CFAP54: variants seen among roughly 807,000 people sequenced by gnomAD.
CFAP54 encodes the protein cilia and flagella associated protein 54.
A neutral mutation model predicts 370.4 loss-of-function variants in CFAP54; 290 were observed. That is an observed-to-expected ratio of 0.78 (90% CI 0.71 to 0.86). The LOEUF (loss-of-function observed/expected upper bound fraction) is 0.86, where lower values mean the gene tolerates loss of function less well. CFAP54 is among the 40% of genes least tolerant of loss of function. CFAP54 has a pLI of 0.00. For synonymous variants in CFAP54, 1,206 were observed against 1,236.5 expected (o/e 0.98, Z 0.52); for missense variants, 3,399 against 3,528.7 (o/e 0.96, Z 0.93).
chr12:96,580,707 TCA>T lies in CFAP54; in HGVS notation c.2889+19_2889+20del, dbSNP rs774334220. 2.5e-5 allele frequency: 36 copies of T among 1,420,814 alleles called. No individual in the cohort carries two copies. The highest frequency in any genetic ancestry group is 1.7e-4 in the Middle Eastern group (1 of 5,744). The allele number at this position is 1,420,814 out of a possible 1,614,324, so 88.0% of individuals were successfully genotyped here. On this transcript the variant is annotated intron_variant, in intron 21 of 67. Coordinates refer to ENST00000524981, the MANE Select transcript of CFAP54 (RefSeq NM_001306084.2). ...GAGAAGCGGTACGTCAAATTAAACA[TCA>T]GGAAATCTTACTGAAGCCTTTAATG...
intron 40 of CFAP54, 94 bp downstream of exon 40, chr12:96,679,846 G>T (rs751384985): frequency 2.3e-5 from 29 of 1,270,848 alleles, no homozygotes; most frequent in Non-Finnish European, 3.2e-5. Flanking sequence ...TTCCCTCCCC[G>T]TGTACATGCA....
At chr12:96,686,530 T>C (rs1283031858) in intron 42 of CFAP54, among the ~76,000 whole-genome samples, 1 of 152,166 alleles carries the variant, frequency 6.6e-6, no homozygotes, top group Admixed American at 6.5e-5. Flanking sequence ...AAGCTTTCAA[T>C]TATGACAGAA....
intron 67 of CFAP54, 64 bp downstream of exon 67, chr12:96,861,016 T>A (rs1373808589): frequency 8.1e-7 from 1 of 1,241,566 alleles, no homozygotes; most frequent in Non-Finnish European, 1.1e-6. Flanking sequence ...TTTGGAACGG[T>A]CCTCTTATAA....
chr12:96,710,383 A>G (rs1266216461), intron 48 of CFAP54, among the ~76,000 whole-genome samples: 1 of 152,208 alleles, frequency 6.6e-6, no homozygotes, highest in Non-Finnish European at 1.5e-5. Flanking sequence ...TGGGTAAAGC[A>G]GAGTGAACAG....
chr12:96,637,549 C>G (rs1048302850), intron 32 of CFAP54, among the ~76,000 whole-genome samples: 10 of 152,134 alleles, frequency 6.6e-5, no homozygotes, highest in African/African-American at 2.4e-4. Flanking sequence ...AGTTAGCTAA[C>G]AACTGGAGAA....
chr12:96,840,397 C>A (rs1204823339), intron 66 of CFAP54, among the ~76,000 whole-genome samples: 1 of 152,116 alleles, frequency 6.6e-6, no homozygotes, highest in African/African-American at 2.4e-5. Flanking sequence ...TGGTGCTAGG[C>A]TATTTAATAT....
chr12:96,604,062 C>T (rs1417268704), intron 26 of CFAP54, among the ~76,000 whole-genome samples: 1 of 152,204 alleles, frequency 6.6e-6, no homozygotes, highest in Admixed American at 6.5e-5. Context: ...TTTAGCCCTT[C>T]TGCTCTGGTT....
chr12:96,823,431 G>C (rs1592786188), intron 65 of CFAP54, among the ~76,000 whole-genome samples: 1 of 152,306 alleles, frequency 6.6e-6, no homozygotes, highest in Non-Finnish European at 1.5e-5. Flanking sequence ...TTGGAGACCT[G>C]TGGAGAAAAC....
intron 58 of CFAP54, among the ~76,000 whole-genome samples, chr12:96,763,574 A>C (rs2136669695): frequency 6.6e-6 from 1 of 152,104 alleles, no homozygotes; most frequent in East Asian, 1.9e-4. Context: ...AGCTCAGGAG[A>C]TCAAGACCAG....
At chr12:96,722,419 G>A (rs953559840) in intron 50 of CFAP54, among the ~76,000 whole-genome samples, 1 of 152,204 alleles carries the variant, frequency 6.6e-6, no homozygotes, top group Non-Finnish European at 1.5e-5. Context: ...TACAGGCCAT[G>A]GAGACATGCC....
intron 47 of CFAP54, among the ~76,000 whole-genome samples, chr12:96,705,352 A>G (rs553002392): frequency 6.6e-6 from 1 of 151,724 alleles, no homozygotes; most frequent in African/African-American, 2.4e-5. Flanking sequence ...ATGTAATCTT[A>G]TTACTTTTCT....
chr12:96,675,232 A>C (rs1426309185), intron 39 of CFAP54, among the ~76,000 whole-genome samples: 1 of 152,208 alleles, frequency 6.6e-6, no homozygotes, highest in Non-Finnish European at 1.5e-5. Context: ...AACTCAAACA[A>C]ATTTACAAGA....
chr12:96,818,606 A>G (rs1320726072), intron 65 of CFAP54, among the ~76,000 whole-genome samples: 1 of 152,198 alleles, frequency 6.6e-6, no homozygotes, highest in African/African-American at 2.4e-5. Context: ...AGACTTGCCC[A>G]CCTAGTCATG....
intron 26 of CFAP54, among the ~76,000 whole-genome samples, chr12:96,610,114 C>A (rs148864192): frequency 6.6e-6 from 1 of 152,122 alleles, no homozygotes; most frequent in Non-Finnish European, 1.5e-5. Context: ...GCAAACAGTT[C>A]GGTGCAATAG....
chr12:96,622,279 T>C lies in CFAP54; in HGVS notation c.3771+558T>C, dbSNP rs545269502. On this transcript the variant is annotated intron_variant, in intron 27 of 67. Transcript: ENST00000524981. Reference sequence around the variant, plus strand: ...CTTTCCTTGAAACTATGTAGTTTTGTAGATCAAGTTTTGAAATGTTACTTA... The same window carrying C: ...CTTTCCTTGAAACTATGTAGTTTTGCAGATCAAGTTTTGAAATGTTACTTA... 3.0e-3 allele frequency among the ~76,000 whole-genome samples: 452 copies of C among 152,204 alleles called. 5 individuals carry two copies. Among genetic ancestry groups the C allele is most frequent in the South Asian group, 3.5e-3 (17 of 4,814 alleles).
intron 39 of CFAP54, among the ~76,000 whole-genome samples, chr12:96,665,804 T>C (rs774222622): frequency 5.9e-5 from 9 of 152,206 alleles, no homozygotes; most frequent in Admixed American, 4.6e-4. Context: ...CTATTCAGGC[T>C]CTTTTTTGGT....
chr12:96,733,991 G>C (rs1354228451), intron 50 of CFAP54, among the ~76,000 whole-genome samples: 1 of 152,160 alleles, frequency 6.6e-6, no homozygotes, highest in Non-Finnish European at 1.5e-5. Context: ...GTGTAGCTTT[G>C]AGGGAGGAAG....
intron 38 of CFAP54, among the ~76,000 whole-genome samples, chr12:96,658,817 G>A (rs1956955362): frequency 1.3e-5 from 2 of 152,058 alleles, no homozygotes; most frequent in Admixed American, 1.3e-4. Flanking sequence ...TAAATTTTGT[G>A]TTGATATATC....
intron 65 of CFAP54, among the ~76,000 whole-genome samples, chr12:96,824,050 C>T (rs1168658320): frequency 1.3e-5 from 2 of 152,186 alleles, no homozygotes; most frequent in African/African-American, 4.8e-5. Context: ...AGAGCCACTG[C>T]TCATAGAAAT....
Sources: gnomAD v4.1 joint callset for allele counts (sites outside exome capture counted in the v4.1 genomes callset) on GRCh38, gnomAD v4.1.1 for gene constraint, MANE v1.5 for transcripts, NCBI Gene and HGNC (gene_info 2026-07-23, HGNC 2026-07-21) for gene names.